The following SLC6A19 variants were observed in gnomAD, a reference collection of about 807,000 sequenced individuals.
SLC6A19 encodes sodium-dependent neutral amino acid transporter B(0)AT1.
A neutral mutation model predicts 68.3 loss-of-function variants in SLC6A19; 67 were observed. The ratio of observed to expected loss-of-function variants is 0.98; its 90% CI spans 0.81 to 1.20. SLC6A19 has a LOEUF of 1.20. Ranked by LOEUF, SLC6A19 falls within the 50% of genes most tolerant of loss-of-function variation. SLC6A19 has a pLI of 0.00. For missense variants in SLC6A19, 813 were observed against 851.6 expected, an observed-to-expected ratio of 0.95 and a Z score of 0.56; for synonymous variants, 392 against 374.9, an observed-to-expected ratio of 1.05 and a Z score of -0.53.
At chr5:1,206,875 G>A (rs889749417) in intron 1 of SLC6A19, among the ~76,000 whole-genome samples, 1 of 152,198 alleles carries the variant, frequency 6.6e-6, no homozygotes, top group Admixed American at 6.5e-5. Context: ...GCTCACTGGG[G>A]TTTGGGACCT....
chr5:1,210,613 A>C (rs527681589), intron 3 of SLC6A19, 32 bp downstream of exon 3: 2 of 1,610,174 alleles, frequency 1.2e-6, no homozygotes, highest in African/African-American at 2.7e-5. Context: ...CATCCGTCTC[A>C]CCTGTGAGGC....
chr5:1,208,576 G>A (rs1240084840), intron 1 of SLC6A19, among the ~76,000 whole-genome samples, 170 bp from the exon 2 acceptor site: 1 of 152,220 alleles, frequency 6.6e-6, no homozygotes, highest in East Asian at 1.9e-4. Context: ...AGAACGTGGA[G>A]TCAGCTCTGG....
chr5:1,221,172 C>T lies in SLC6A19; in HGVS notation c.1560C>T (p.Phe520=). Residue 520 remains phenylalanine (F), a synonymous_variant, in exon 11 of 12, where the codon TTC becomes TTT. Coordinates refer to ENST00000304460, the MANE Select transcript of SLC6A19 (RefSeq NM_001003841.3). The stretch of plus-strand genomic sequence containing the variant: ...GCAGGTTCAATAAGGACATCGAGTT[C>T]ATGATCGGCCACAAGCCCAACATCT... ...GVDRFNKDIE[F]MIGHKPNIFW... is the part of the protein sequence containing the mutation. 6.2e-7 allele frequency: 1 copy of T among 1,613,996 alleles called. No homozygotes were observed. Among genetic ancestry groups the T allele is most frequent in the Non-Finnish European group, 8.5e-7 (1 of 1,179,974 alleles).
At position 1,209,024 on chromosome 5, in the gene SLC6A19, G is replaced by T. The variant is rs1419787926; in HGVS notation, c.343+138G>T. On this transcript the variant is annotated intron_variant, in intron 2 of 11. Coordinates refer to ENST00000304460, the MANE Select transcript of SLC6A19 (RefSeq NM_001003841.3). The surrounding 1 kb of genome is among the most constrained non-coding windows in gnomAD (Gnocchi z 5.5). Reference sequence around the variant, plus strand: ...CCTGTCTGTTTCTGGTGCAACAAAGGTCCCAGCTTCATCTCCTGGAGGCCT... The same window carrying T: ...CCTGTCTGTTTCTGGTGCAACAAAGTTCCCAGCTTCATCTCCTGGAGGCCT... 1 of 1,214,002 alleles carries T rather than the reference G, an allele frequency of 8.2e-7. No homozygotes were observed. The highest frequency in any genetic ancestry group is 1.1e-6 in the Non-Finnish European group (1 of 901,414). 75.2% of individuals were successfully genotyped at this position (1,214,002 alleles called of 1,614,324 possible).
At chr5:1,205,995 G>C (rs1311896208) in intron 1 of SLC6A19, among the ~76,000 whole-genome samples, 2 of 152,222 alleles carry the variant, frequency 1.3e-5, no homozygotes, top group African/African-American at 2.4e-5. Flanking sequence ...GCCACCTGCA[G>C]CTCCTGCTTC....
chr5:1,221,291 A>G lies in SLC6A19; in HGVS notation c.1679A>G (p.Tyr560Cys). 6.2e-7 allele frequency: 1 copy of G among 1,613,884 alleles called. No homozygotes were observed. The highest frequency in any genetic ancestry group is 8.5e-7 in the Non-Finnish European group (1 of 1,180,008). Reference protein sequence around the residue: ...FVVEVSQELTYSIWDPGYEEF... With the variant: ...FVVEVSQELTCSIWDPGYEEF... ...GTAGAGGTCAGTCAGGAGCTGACCT[A>G]CAGCATCTGGGACCCTGGCTACGTA... Residue 560 changes from tyrosine to cysteine, a missense_variant, in exon 11 of 12, where the codon TAC becomes TGC. Physicochemically the swap from Tyr to Cys is radical, Grantham distance 194. Coordinates refer to ENST00000304460, the MANE Select transcript of SLC6A19 (RefSeq NM_001003841.3).
At position 1,216,280 on chromosome 5, in the gene SLC6A19, CCAGAGTGGT is replaced by C. The variant is rs370849249; in HGVS notation, c.888-276_888-268del. 1.9e-3 allele frequency among the ~76,000 whole-genome samples: 290 copies of C among 152,340 alleles called. 2 individuals carry two copies. The South Asian group carries it at 0.027, about 14-fold the overall frequency. On this transcript the variant is annotated intron_variant, in intron 6 of 11. Coordinates refer to ENST00000304460, the MANE Select transcript of SLC6A19 (RefSeq NM_001003841.3). ...GCGGAAAGAGACCTGAGCTCTATAACCAGAGTGGTCTGGGGAGTCAGGAGCAGTCATAGC... is the reference window on the plus strand; with the variant it reads ...GCGGAAAGAGACCTGAGCTCTATAACCTGGGGAGTCAGGAGCAGTCATAGC...
intron 5 of SLC6A19, 63 bp downstream of exon 5, chr5:1,213,636 G>C: frequency 6.8e-7 from 1 of 1,474,172 alleles, no homozygotes; most frequent in Non-Finnish European, 9.4e-7. Context: ...CTGTGCCCCC[G>C]CCAGCCTCAA....
chr5:1,214,032 G>T lies in SLC6A19; in HGVS notation c.854G>T (p.Gly285Val), dbSNP rs1746131481. 2 of 1,613,740 alleles carry T rather than the reference G, an allele frequency of 1.2e-6. No homozygotes were observed. The highest frequency in any genetic ancestry group is 1.7e-6 in the Non-Finnish European group (2 of 1,180,024). Residue 285 changes from glycine to valine, a missense_variant, in exon 6 of 12, where the codon GGC becomes GTC. Gly to Val is a moderately radical substitution (Grantham distance 109). Coordinates refer to ENST00000304460, the MANE Select transcript of SLC6A19 (RefSeq NM_001003841.3). This position sits in a 1 kb window ranked among gnomAD's most constrained non-coding sequence, Gnocchi z 7.4. ...TTCTCCTTCTCCCTGGCCTTCGGGGGCCTCATCTCCTTCTCCAGCTACAAC... is the reference window on the plus strand; with the variant it reads ...TTCTCCTTCTCCCTGGCCTTCGGGGTCCTCATCTCCTTCTCCAGCTACAAC... The part of the protein sequence containing the change: ...VFFSFSLAFG[G>V]LISFSSYNSV...
chr5:1,221,238 G>T lies in SLC6A19; in HGVS notation c.1626G>T (p.Met542Ile), dbSNP rs938642505. The part of the protein sequence containing the change: ...VTWRVVSPLL[M>I]LIIFLFFFVV... ...GGCGCGTGGTCAGCCCCCTGCTCATGCTGATCATCTTCCTCTTCTTCTTCG... is the reference window on the plus strand; with the variant it reads ...GGCGCGTGGTCAGCCCCCTGCTCATTCTGATCATCTTCCTCTTCTTCTTCG... The change falls in exon 11 of 12, where the codon ATG becomes ATT. Residue 542 changes from methionine to isoleucine, a missense_variant. Coordinates refer to ENST00000304460, the MANE Select transcript of SLC6A19 (RefSeq NM_001003841.3). 1.1e-5 allele frequency: 17 copies of T among 1,614,052 alleles called. No individual in the cohort carries two copies. The highest frequency in any genetic ancestry group is 1.4e-5 in the Non-Finnish European group (16 of 1,180,046).
At chr5:1,206,292 G>C (rs2126494202) in intron 1 of SLC6A19, among the ~76,000 whole-genome samples, 1 of 139,504 alleles carries the variant, frequency 7.2e-6, no homozygotes. Context: ...GTCTCTCTCT[G>C]TTTCTGTCTG....
intron 8 of SLC6A19, 61 bp from the exon 9 acceptor site, chr5:1,218,842 C>G (rs543189766): frequency 3.2e-5 from 51 of 1,575,470 alleles, no homozygotes; most frequent in Non-Finnish European, 4.3e-5. Context: ...AGACCTCGGG[C>G]GGGGAGGAGA....
At position 1,201,775 on chromosome 5, in the gene SLC6A19, T is replaced by C. The variant is rs144373119; in HGVS notation, c.125T>C (p.Met42Thr). 19 of 1,612,790 alleles carry C rather than the reference T, an allele frequency of 1.2e-5. No individual in the cohort carries two copies. In the East Asian group the frequency reaches 2.9e-4, roughly 25 times the overall value. Residue 42 changes from methionine (M) to threonine (T), a missense_variant, in exon 1 of 12, where the codon ATG becomes ACG. Coordinates refer to ENST00000304460, the MANE Select transcript of SLC6A19 (RefSeq NM_001003841.3). ...RPKWDNKAQY[M>T]LTCLGFCVGL... ...AAGTGGGACAACAAGGCGCAGTACA[T>C]GCTCACCTGCCTGGGCTTCTGCGTG...
chr5:1,207,807 G>A (rs1745898813), intron 1 of SLC6A19, among the ~76,000 whole-genome samples: 1 of 152,226 alleles, frequency 6.6e-6, no homozygotes, highest in Non-Finnish European at 1.5e-5. Flanking sequence ...TACAGTTCTA[G>A]CCCAGACTGA....
rs370546018 is a variant in SLC6A19, at chr5:1,213,994, C to T, written c.816C>T (p.Gly272=). The change falls in exon 6 of 12, where the codon GGC becomes GGT. Residue 272 remains glycine, a synonymous_variant. Transcript: ENST00000304460. Reference sequence around the variant, plus strand: ...AGCCGGACACCTGGCTGGACGCGGGCGCACAGGTCTTCTTCTCCTTCTCCC... The same window carrying T: ...AGCCGGACACCTGGCTGGACGCGGGTGCACAGGTCTTCTTCTCCTTCTCCC... ...LAQPDTWLDA[G]AQVFFSFSLA... is the part of the protein sequence containing the mutation. 8.1e-5 allele frequency: 131 copies of T among 1,613,492 alleles called. No homozygotes were observed. The highest frequency in any genetic ancestry group is 1.3e-4 in the East Asian group (6 of 44,892).
At chr5:1,216,534 C>T (rs1746211734) in intron 6 of SLC6A19, 24 bp from the exon 7 acceptor site, 12 of 1,613,824 alleles carry the variant, frequency 7.4e-6, no homozygotes, top group Non-Finnish European at 1.0e-5. Context: ...TCGCCAGCCG[C>T]CATGACACTG....
chr5:1,208,804 C>A lies in SLC6A19; in HGVS notation c.261C>A (p.Tyr87Ter). The A allele has an allele frequency of 6.2e-7, 1 of 1,613,258 alleles. No homozygotes were observed. Among genetic ancestry groups the A allele is most frequent in the African/African-American group, 1.3e-5 (1 of 75,024 alleles). The change falls in exon 2 of 12, where the codon TAC becomes TAA. Residue 87 changes from tyrosine (Y) to a stop codon, truncating the protein, a stop_gained. Transcript: ENST00000304460. LOFTEE classifies it high-confidence loss of function. The part of the protein sequence containing the change: ...LLVLEGIPLL[Y>*]LEFAIGQRLR... ...TCCTGGAGGGCATCCCCCTGCTGTA[C>A]CTGGAGTTCGCCATCGGGCAGCGGC...
intron 11 of SLC6A19, 71 bp from the exon 12 acceptor site, chr5:1,221,630 G>C (rs1746383569): frequency 6.3e-7 from 1 of 1,578,364 alleles, no homozygotes; most frequent in Admixed American, 1.7e-5. Context: ...CATGGGGTGA[G>C]GGGCCTTTGC....
chr5:1,211,875 C>T (rs527478450), intron 3 of SLC6A19, among the ~76,000 whole-genome samples: 14 of 136,130 alleles, frequency 1.0e-4, no homozygotes, highest in South Asian at 2.4e-4. Context: ...GATGTGCACG[C>T]GAGAGTACAG....
Sources: allele counts gnomAD v4.1 joint callset (sites outside exome capture counted in the v4.1 genomes callset), GRCh38; gene constraint gnomAD v4.1.1; non-coding constraint Gnocchi (gnomAD v3.1); transcripts MANE v1.5; gene names NCBI Gene and HGNC (gene_info 2026-07-23, HGNC 2026-07-21).